GABRB3: variants seen among roughly 807,000 people sequenced by gnomAD.
GABRB3 encodes gamma-aminobutyric acid type A receptor subunit beta3.
A neutral mutation model predicts 52.1 loss-of-function variants in GABRB3; 14 were observed. The observed-to-expected ratio is 0.27, with a 90% CI of 0.18 to 0.42. The LOEUF (loss-of-function observed/expected upper bound fraction) is 0.42, where lower values mean the gene tolerates loss of function less well. GABRB3 is among the 10% of genes least tolerant of loss of function. The pLI, the probability that GABRB3 is intolerant of heterozygous loss-of-function variation, is 1.00. For synonymous variants in GABRB3, 260 were observed against 232.3 expected (o/e 1.12, Z -1.08); for missense variants, 307 against 609.1 (o/e 0.50, Z 5.22).
At chr15:26,650,367 G>A (rs1370123987) in intron 3 of GABRB3, among the ~76,000 whole-genome samples, 4 of 152,272 alleles carry the variant, frequency 2.6e-5, no homozygotes, top group South Asian at 4.1e-4. Flanking sequence ...GGGTAACTGG[G>A]CTGGAGTGGG....
At chr15:26,651,735 C>T (rs141775651) in intron 3 of GABRB3, among the ~76,000 whole-genome samples, 27 of 152,190 alleles carry the variant, frequency 1.8e-4, no homozygotes, top group African/African-American at 6.0e-4. Context: ...TTTCTTAACC[C>T]GATATGATGT....
At position 26,716,388 on chromosome 15, in the gene GABRB3, G is replaced by A. The variant is rs538260190; in HGVS notation, c.240+56014C>T. On this transcript the variant is annotated intron_variant, in intron 3 of 8. Transcript: ENST00000311550. ...ACAGGCTCCTAAAACCCCTATCTCAGCCCTTTGTGTCATACCACAGCACAT... is the reference window on the plus strand; with the variant it reads ...ACAGGCTCCTAAAACCCCTATCTCAACCCTTTGTGTCATACCACAGCACAT... Among the ~76,000 whole-genome samples, 173 of 152,248 alleles carry A rather than the reference G, an allele frequency of 1.1e-3. 1 individual carries two copies. The highest frequency in any genetic ancestry group is 4.0e-3 in the African/African-American group (168 of 41,554).
intron 3 of GABRB3, among the ~76,000 whole-genome samples, chr15:26,742,265 G>A (rs527524353): frequency 3.3e-5 from 5 of 151,942 alleles, no homozygotes; most frequent in South Asian, 2.1e-4. Context: ...TTTGAAGCCC[G>A]GGAGTCCTTT....
At chr15:26,729,994 C>G (rs982540757) in intron 3 of GABRB3, among the ~76,000 whole-genome samples, 1 of 152,156 alleles carries the variant, frequency 6.6e-6, no homozygotes, top group African/African-American at 2.4e-5. Flanking sequence ...TAAATATTGT[C>G]AAATGAATGC....
At chr15:26,692,568 C>G (rs1888620231) in intron 3 of GABRB3, among the ~76,000 whole-genome samples, 1 of 152,092 alleles carries the variant, frequency 6.6e-6, no homozygotes, top group South Asian at 2.1e-4. Flanking sequence ...CTAGAGATGG[C>G]ATTAAATTGT....
At position 26,760,801 on chromosome 15, in the gene GABRB3, A is replaced by G. The variant is rs1018133024; in HGVS notation, c.240+11601T>C. ...TGCTTCTAAATGCCAACACACACAC[A>G]CGCGCACGCACACACACACACACAC... is the stretch of plus-strand genomic sequence containing the variant. On this transcript the variant is annotated intron_variant, in intron 3 of 8. Transcript: ENST00000311550. Among the ~76,000 whole-genome samples the G allele has an allele frequency of 1.9e-4, 18 of 97,014 alleles. No individual in the cohort carries two copies. In the East Asian group the frequency reaches 3.0e-3, roughly 16 times the overall value. 63.6% of individuals were successfully genotyped at this position (97,014 alleles called of 152,430 possible). A position where few individuals can be genotyped will look rare whatever the true frequency, so the allele number is the denominator to read the frequency against.
chr15:26,551,707 G>A (rs1032836041), intron 8 of GABRB3, among the ~76,000 whole-genome samples: 7 of 152,138 alleles, frequency 4.6e-5, no homozygotes, highest in African/African-American at 7.2e-5. Flanking sequence ...GAGTGTCACC[G>A]CGGGGTCTTC....
intron 3 of GABRB3, among the ~76,000 whole-genome samples, chr15:26,768,864 C>A (rs1891067813): frequency 6.6e-6 from 1 of 151,956 alleles, no homozygotes; most frequent in Non-Finnish European, 1.5e-5. Flanking sequence ...ATTGGAAATG[C>A]ATAACTCCAC....
At chr15:26,604,287 G>C (rs964598962) in intron 4 of GABRB3, among the ~76,000 whole-genome samples, 17 of 151,940 alleles carry the variant, frequency 1.1e-4, no homozygotes, top group Non-Finnish European at 2.4e-4. Flanking sequence ...CAATGAAAAG[G>C]TATTCCATGT....
At chr15:26,588,412 A>G (rs34916314) in intron 4 of GABRB3, among the ~76,000 whole-genome samples, 46,971 of 151,978 alleles carry the variant, frequency 0.31, 9,080 homozygotes, top group Middle Eastern at 0.46. Context: ...AGGTATTGTT[A>G]TTATTATATC....
At chr15:26,554,161 G>GTA (rs576382653) in intron 8 of GABRB3, among the ~76,000 whole-genome samples, 4,649 of 20,934 alleles carry the variant, frequency 0.22, 881 homozygotes, top group African/African-American at 0.39. Flanking sequence ...TATATATAAA[G>GTA]TATATATATA....
At chr15:26,626,892 C>T (rs1314755237) in intron 3 of GABRB3, among the ~76,000 whole-genome samples, 1 of 152,240 alleles carries the variant, frequency 6.6e-6, no homozygotes, top group Admixed American at 6.5e-5. Flanking sequence ...CACTAAACAA[C>T]AGGTTTTCAG....
chr15:26,749,017 TC>T (rs982629100), intron 3 of GABRB3, among the ~76,000 whole-genome samples: 1 of 152,014 alleles, frequency 6.6e-6, no homozygotes, highest in African/African-American at 2.4e-5. Context: ...AGAATGAGAC[TC>T]CATCTCAAAA....
intron 3 of GABRB3, among the ~76,000 whole-genome samples, chr15:26,753,354 G>A (rs1890569627): frequency 6.6e-6 from 1 of 152,244 alleles, no homozygotes; most frequent in Non-Finnish European, 1.5e-5. Flanking sequence ...ACAGGTGAAA[G>A]ACAGATCAGA....
intron 3 of GABRB3, among the ~76,000 whole-genome samples, chr15:26,753,960 G>A (rs2140174963): frequency 6.6e-6 from 1 of 152,250 alleles, no homozygotes; most frequent in African/African-American, 2.4e-5. Flanking sequence ...GAATGTTCTG[G>A]GTGGTGAAGA....
intron 4 of GABRB3, among the ~76,000 whole-genome samples, chr15:26,618,332 A>G (rs1213208629): frequency 1.3e-5 from 2 of 151,898 alleles, no homozygotes; most frequent in Admixed American, 1.3e-4. Flanking sequence ...AGATCAATGG[A>G]ACAGAACAGA....
At chr15:26,618,630 C>T (rs1311355576) in intron 4 of GABRB3, among the ~76,000 whole-genome samples, 3 of 152,168 alleles carry the variant, frequency 2.0e-5, no homozygotes, top group African/African-American at 4.8e-5. Flanking sequence ...GTCTAAAACA[C>T]CAAAAACAAT....
chr15:26,576,290 C>T (rs1309404304), intron 6 of GABRB3, among the ~76,000 whole-genome samples: 1 of 152,204 alleles, frequency 6.6e-6, no homozygotes, highest in East Asian at 1.9e-4. Context: ...CTTTCTTCAA[C>T]AACAGAGTAT....
chr15:26,549,863 G>C (rs1225358915), intron 8 of GABRB3, among the ~76,000 whole-genome samples: 1 of 152,064 alleles, frequency 6.6e-6, no homozygotes, highest in African/African-American at 2.4e-5. Context: ...CCAGGAAAGA[G>C]ATTTGAGCAT....
Sources: gnomAD v4.1 joint callset for allele counts (sites outside exome capture counted in the v4.1 genomes callset) on GRCh38, gnomAD v4.1.1 for gene constraint, MANE v1.5 for transcripts, NCBI Gene and HGNC (gene_info 2026-07-23, HGNC 2026-07-21) for gene names.